BMPR1A: variants seen among roughly 807,000 people sequenced by gnomAD.
BMPR1A encodes bone morphogenetic protein receptor type 1A.
A neutral mutation model predicts 66.0 loss-of-function variants in BMPR1A; 7 were observed. The observed-to-expected ratio is 0.11, with a 90% CI of 0.06 to 0.20. BMPR1A has a LOEUF of 0.20. BMPR1A is among the 10% of genes least tolerant of loss of function. The pLI is 1.00. For synonymous variants in BMPR1A, 200 were observed against 229.7 expected, an observed-to-expected ratio of 0.87 and a Z score of 1.17; for missense variants, 408 against 669.1, an observed-to-expected ratio of 0.61 and a Z score of 4.31.
intron 2 of BMPR1A, among the ~76,000 whole-genome samples, chr10:86,851,593 T>G (rs1049152216): frequency 2.7e-4 from 41 of 152,186 alleles, no homozygotes; most frequent in Admixed American, 2.7e-3. Flanking sequence ...ACGGGACTCC[T>G]CAAGCAGCCT....
At chr10:86,826,874 A>G (rs115033527) in intron 1 of BMPR1A, among the ~76,000 whole-genome samples, 4,895 of 152,232 alleles carry the variant, frequency 0.032, 249 homozygotes, top group African/African-American at 0.11. Context: ...CATTACATAA[A>G]GTAATAGACA....
chr10:86,770,807 C>T (rs7083437), intron 1 of BMPR1A, among the ~76,000 whole-genome samples: 14,195 of 152,176 alleles, frequency 0.093, 1,361 homozygotes, highest in African/African-American at 0.24. Flanking sequence ...GAGATTTGAC[C>T]AACCACAATT....
chr10:86,830,189 T>A lies in BMPR1A; in HGVS notation c.-267-8676T>A, dbSNP rs983042855. Among the ~76,000 whole-genome samples, 9 of 152,188 alleles carry A rather than the reference T, an allele frequency of 5.9e-5. 1 individual carries two copies. Among genetic ancestry groups the A allele is most frequent in the Non-Finnish European group, 1.3e-4 (9 of 68,024 alleles). ...TGACCGTAACAGGATTCTTTCTTGC[T>A]GAAGACAGGCCAAGGTGATCAGACA... On this transcript the variant is annotated intron_variant, in intron 1 of 12. Transcript: ENST00000372037.
chr10:86,923,105 C>T (rs1337405275), intron 11 of BMPR1A, among the ~76,000 whole-genome samples: 1 of 152,102 alleles, frequency 6.6e-6, no homozygotes, highest in African/African-American at 2.4e-5. Context: ...GCTGATTTCG[C>T]CTTGCTTATT....
chr10:86,886,456 C>T (rs991430520), intron 3 of BMPR1A, among the ~76,000 whole-genome samples: 2 of 152,066 alleles, frequency 1.3e-5, no homozygotes, highest in South Asian at 2.1e-4. Flanking sequence ...GTGACAACAG[C>T]GGAGTTGGAG....
In BMPR1A at chr10:86,921,727, A is replaced by T. The variant is rs1192817301; in HGVS notation, c.1342+32A>T. On this transcript the variant is annotated intron_variant, in intron 11 of 12. Transcript: ENST00000372037. ...GTTTGAGTAGTTTCTGATTATGTTG[A>T]TTTACTCATCATTTTAAAAATAACA... 5 of 1,613,772 alleles carry T rather than the reference A, an allele frequency of 3.1e-6. No homozygotes were observed. In the Admixed American group the frequency reaches 8.3e-5, roughly 27 times the overall value.
At chr10:86,858,777 G>A (rs578223291) in intron 2 of BMPR1A, among the ~76,000 whole-genome samples, 5 of 151,860 alleles carry the variant, frequency 3.3e-5, no homozygotes, top group Admixed American at 1.3e-4. Context: ...AAATTGAAGC[G>A]GGCACAAAAT....
intron 1 of BMPR1A, among the ~76,000 whole-genome samples, chr10:86,819,680 T>C (rs1842091981): frequency 6.6e-6 from 1 of 152,220 alleles, no homozygotes; most frequent in Admixed American, 6.5e-5. Flanking sequence ...CTTTTGCCTA[T>C]GCATCTCATC....
At chr10:86,930,143 G>A (rs1417807394), downstream of BMPR1A, 2 of 152,284 alleles carry the variant, frequency 1.3e-5, no homozygotes, top group East Asian at 3.8e-4. Context: ...AAATGTGTGA[G>A]TGCTGGTATA....
intron 2 of BMPR1A, among the ~76,000 whole-genome samples, chr10:86,841,980 A>G (rs760574141): frequency 1.3e-5 from 2 of 152,204 alleles, no homozygotes; most frequent in Non-Finnish European, 1.5e-5. Context: ...ATCCCCTATA[A>G]TAAACCTGTA....
intron 1 of BMPR1A, among the ~76,000 whole-genome samples, chr10:86,760,084 T>C (rs905648801): frequency 5.3e-5 from 8 of 150,462 alleles, no homozygotes; most frequent in Non-Finnish European, 1.2e-4. Flanking sequence ...TATTTCTGCC[T>C]AAATTAATCT....
At chr10:86,885,644 T>G (rs1296639676) in intron 3 of BMPR1A, among the ~76,000 whole-genome samples, 1 of 152,250 alleles carries the variant, frequency 6.6e-6, no homozygotes, top group Non-Finnish European at 1.5e-5. Flanking sequence ...ACTTTCCTTC[T>G]GCTGATGTCT....
chr10:86,866,418 T>TTTTTTTTTTTTGAGA (rs1842788934), intron 2 of BMPR1A, among the ~76,000 whole-genome samples: 1 of 135,216 alleles, frequency 7.4e-6, no homozygotes, highest in African/African-American at 2.8e-5. Context: ...TTTTTTTTTT[T>TTTTTTTTTTTTGAGA]TTTTTTTTGA....
At chr10:86,778,641 T>G (rs1035172580) in intron 1 of BMPR1A, among the ~76,000 whole-genome samples, 1 of 152,158 alleles carries the variant, frequency 6.6e-6, no homozygotes, top group Non-Finnish European at 1.5e-5. Flanking sequence ...AACTGTATAT[T>G]ATTGTTCACT....
intron 3 of BMPR1A, among the ~76,000 whole-genome samples, chr10:86,879,495 G>T (rs560920401): frequency 2.6e-5 from 4 of 152,334 alleles, no homozygotes; most frequent in Admixed American, 2.0e-4. Context: ...CCCTTAATGT[G>T]TGTGTACATG....
intron 2 of BMPR1A, among the ~76,000 whole-genome samples, chr10:86,840,183 G>A (rs1452512340): frequency 3.3e-5 from 5 of 152,148 alleles, no homozygotes; most frequent in Admixed American, 2.6e-4. Context: ...TAGATAGAAT[G>A]TATGGTTTTA....
chr10:86,884,017 G>A (rs964595244), intron 3 of BMPR1A, among the ~76,000 whole-genome samples: 1 of 151,804 alleles, frequency 6.6e-6, no homozygotes, highest in Non-Finnish European at 1.5e-5. Flanking sequence ...TGGGATAACA[G>A]GTAGACACCA....
chr10:86,897,379 CATAGT>C, intron 5 of BMPR1A, among the ~76,000 whole-genome samples: 1 of 152,134 alleles, frequency 6.6e-6, no homozygotes, highest in Non-Finnish European at 1.5e-5. Flanking sequence ...TACCCAGATA[CATAGT>C]TAACCTGAGT....
At chr10:86,769,143 ATC>A (rs1564678217) in intron 1 of BMPR1A, among the ~76,000 whole-genome samples, 4 of 152,202 alleles carry the variant, frequency 2.6e-5, no homozygotes, top group Admixed American at 2.6e-4. Context: ...TCTGTGTATC[ATC>A]AGTACTGGCA....
Sources: gnomAD v4.1 joint callset for allele counts (sites outside exome capture counted in the v4.1 genomes callset) on GRCh38, gnomAD v4.1.1 for gene constraint, MANE v1.5 for transcripts, NCBI Gene and HGNC (gene_info 2026-07-23, HGNC 2026-07-21) for gene names.